Variants in CBLB observed in about 807,000 individuals in gnomAD.
CBLB encodes Cbl proto-oncogene B, also known as E3 ubiquitin-protein ligase CBL-B.
Under a neutral mutation model 104.9 loss-of-function variants are expected in CBLB, and 31 were observed. The ratio of observed to expected loss-of-function variants is 0.30; its 90% confidence interval spans 0.22 to 0.40. The LOEUF (loss-of-function observed/expected upper bound fraction) is 0.40. Ranked by LOEUF, CBLB falls within the 10% of genes least tolerant of loss-of-function variation. The pLI is 1.00. For synonymous variants in CBLB, 440 were observed against 422.6 expected, an observed-to-expected ratio of 1.04 and a Z score of -0.51; for missense variants, 1,062 against 1,214.6, an observed-to-expected ratio of 0.87 and a Z score of 1.87.
intron 12 of CBLB, among the ~76,000 whole-genome samples, chr3:105,694,243 T>C (rs909114688): frequency 6.6e-6 from 1 of 151,954 alleles, no homozygotes; most frequent in African/African-American, 2.4e-5. Flanking sequence ...TCAATTACTC[T>C]GAATTAGGAG....
chr3:105,668,801 A>G lies in CBLB; in HGVS notation c.2689+1432T>C, dbSNP rs1005535259. Among the ~76,000 whole-genome samples, 92 of 152,324 alleles carry G rather than the reference A, an allele frequency of 6.0e-4. 3 individuals carry two copies. Among genetic ancestry groups the G allele is most frequent in the Non-Finnish European group, 5.9e-5 (4 of 68,016 alleles). On this transcript the variant is annotated intron_variant, in intron 18 of 18. Transcript: ENST00000394030. Reference sequence around the variant, plus strand: ...CTCCCATGCATGGCATCGAGCACGTAAGAACTACCGTACTGACAATTCTTA... The same window carrying G: ...CTCCCATGCATGGCATCGAGCACGTGAGAACTACCGTACTGACAATTCTTA...
chr3:105,688,444 C>A, intron 13 of CBLB, among the ~76,000 whole-genome samples: 1 of 152,056 alleles, frequency 6.6e-6, no homozygotes, highest in Non-Finnish European at 1.5e-5. Context: ...TTGAAACAAA[C>A]CAAGAAACAA....
intron 6 of CBLB, among the ~76,000 whole-genome samples, chr3:105,742,131 A>C (rs984513632): frequency 6.6e-6 from 1 of 152,188 alleles, no homozygotes; most frequent in Non-Finnish European, 1.5e-5. Context: ...TCTTTCTATC[A>C]GGATATCCTT....
At chr3:105,714,268 A>T (rs1285762841) in intron 10 of CBLB, among the ~76,000 whole-genome samples, 1 of 152,072 alleles carries the variant, frequency 6.6e-6, no homozygotes, top group Non-Finnish European at 1.5e-5. Flanking sequence ...CGTAGAAGAC[A>T]TTTTTTCCAC....
chr3:105,860,728 A>G (rs951747759), intron 2 of CBLB, among the ~76,000 whole-genome samples: 1 of 152,194 alleles, frequency 6.6e-6, no homozygotes, highest in African/African-American at 2.4e-5. Flanking sequence ...AATTAGACCA[A>G]GGGCACTGAA....
chr3:105,665,669 ATATT>A (rs773559108), intron 18 of CBLB, among the ~76,000 whole-genome samples: 222 of 148,170 alleles, frequency 1.5e-3, no homozygotes, highest in Admixed American at 3.2e-3. Flanking sequence ...AATAACATGA[ATATT>A]TATATTTTAC....
intron 3 of CBLB, among the ~76,000 whole-genome samples, chr3:105,828,065 T>C (rs1356785635): frequency 6.6e-6 from 1 of 152,208 alleles, no homozygotes; most frequent in Non-Finnish European, 1.5e-5. Flanking sequence ...AGTCAAGGAC[T>C]TAGGCTCCTT....
intron 3 of CBLB, among the ~76,000 whole-genome samples, chr3:105,786,815 A>T (rs1449998921): frequency 6.6e-6 from 1 of 152,198 alleles, no homozygotes; most frequent in East Asian, 1.9e-4. Flanking sequence ...ATCTCAGAAT[A>T]GTTATATAGA....
intron 6 of CBLB, among the ~76,000 whole-genome samples, chr3:105,743,195 C>T (rs926166696): frequency 9.2e-5 from 14 of 152,108 alleles, no homozygotes; most frequent in African/African-American, 3.4e-4. Flanking sequence ...TGGTGGCTCA[C>T]ACCTGTAATC....
At chr3:105,856,905 A>G (rs574883307) in intron 2 of CBLB, among the ~76,000 whole-genome samples, 41 of 152,308 alleles carry the variant, frequency 2.7e-4, no homozygotes, top group African/African-American at 8.7e-4. Flanking sequence ...ATTATTTAAC[A>G]AATCCTGCTT....
chr3:105,771,588 C>T (rs1188275700), intron 4 of CBLB, among the ~76,000 whole-genome samples: 3 of 151,920 alleles, frequency 2.0e-5, no homozygotes, highest in Non-Finnish European at 2.9e-5. Flanking sequence ...AAGAGGAAGT[C>T]GAACTGTCAT....
At chr3:105,685,702 A>C (rs1559816738) in intron 13 of CBLB, among the ~76,000 whole-genome samples, 1 of 152,240 alleles carries the variant, frequency 6.6e-6, no homozygotes, top group East Asian at 1.9e-4. Flanking sequence ...TAAATGGCAC[A>C]ATAGGAAAAA....
At chr3:105,812,369 T>A (rs1377873751) in intron 3 of CBLB, among the ~76,000 whole-genome samples, 1 of 152,102 alleles carries the variant, frequency 6.6e-6, no homozygotes, top group Non-Finnish European at 1.5e-5. Flanking sequence ...CACTGATCTG[T>A]AAACTCAGAT....
intron 10 of CBLB, among the ~76,000 whole-genome samples, chr3:105,704,740 A>T (rs1467331536): frequency 6.6e-6 from 1 of 152,150 alleles, no homozygotes; most frequent in African/African-American, 2.4e-5. Flanking sequence ...TTCTCAAGTT[A>T]AACATTTTTC....
At chr3:105,689,861 T>G (rs964540220) in intron 13 of CBLB, among the ~76,000 whole-genome samples, 25 of 152,016 alleles carry the variant, frequency 1.6e-4, no homozygotes, top group African/African-American at 5.8e-4. Context: ...AGAAACCATT[T>G]AGAAAAAAAC....
intron 4 of CBLB, chr3:105,762,160 T>C (rs905480944): frequency 1.3e-5 from 2 of 152,200 alleles, no homozygotes; most frequent in Admixed American, 6.5e-5. Context: ...TTCACAAAGA[T>C]ATGATATGGA....
At chr3:105,721,444 G>C (rs1407565692) in intron 9 of CBLB, among the ~76,000 whole-genome samples, 1 of 152,096 alleles carries the variant, frequency 6.6e-6, no homozygotes, top group Admixed American at 6.5e-5. Flanking sequence ...CTAAGTCTCA[G>C]TCAGCTCAAC....
intron 16 of CBLB, among the ~76,000 whole-genome samples, chr3:105,679,503 C>T (rs937378779): frequency 6.6e-6 from 1 of 152,012 alleles, no homozygotes; most frequent in African/African-American, 2.4e-5. Context: ...TGAGGCTTGA[C>T]GTGGTGGCTC....
intron 3 of CBLB, among the ~76,000 whole-genome samples, chr3:105,828,318 C>A (rs941526735): frequency 1.3e-5 from 2 of 152,036 alleles, no homozygotes; most frequent in Non-Finnish European, 2.9e-5. Context: ...GGATGGATAA[C>A]AATGGGGAAA....
Sources: gnomAD v4.1 joint callset for allele counts (sites outside exome capture counted in the v4.1 genomes callset) on GRCh38, gnomAD v4.1.1 for gene constraint, MANE v1.5 for transcripts, NCBI Gene and HGNC (gene_info 2026-07-23, HGNC 2026-07-21) for gene names.